Variants in STIM2 observed in about 807,000 individuals in gnomAD.
STIM2 encodes stromal interaction molecule 2.
STIM2 carries 31 observed loss-of-function variants against 85.8 expected under a neutral mutation model. The observed-to-expected ratio is 0.36, with a 90% CI of 0.27 to 0.49. The LOEUF (loss-of-function observed/expected upper bound fraction) is 0.49, where lower values mean the gene tolerates loss of function less well. STIM2 is among the 20% of genes least tolerant of loss of function. The probability of loss-of-function intolerance (pLI) is 0.98; values close to 1 mark genes in which losing one functional copy is unlikely to be tolerated. For missense variants in STIM2, 841 were observed against 927.6 expected, an observed-to-expected ratio of 0.91 and a Z score of 1.21; for synonymous variants, 356 against 331.1, an observed-to-expected ratio of 1.08 and a Z score of -0.82.
chr4:26,960,165 T>G (rs956560853), intron 3 of STIM2, among the ~76,000 whole-genome samples: 1 of 152,198 alleles, frequency 6.6e-6, no homozygotes. Context: ...TCTGCTTTTA[T>G]CTGTTATATT....
chr4:27,011,935 G>T (rs1039645836), intron 10 of STIM2, among the ~76,000 whole-genome samples: 1 of 152,064 alleles, frequency 6.6e-6, no homozygotes. Context: ...ATAGGTTGTT[G>T]TTTGCTCTCC....
Position 26,976,333 on chromosome 4 carries a change from C to T in STIM2, c.397+18607C>T, listed in dbSNP as rs558086053. 1.1e-3 allele frequency among the ~76,000 whole-genome samples: 162 copies of T among 150,988 alleles called. 1 individual carries two copies. The highest frequency in any genetic ancestry group is 2.2e-3 in the Admixed American group (34 of 15,178). On this transcript the variant is annotated intron_variant, in intron 3 of 11. Coordinates refer to ENST00000467087, the MANE Select transcript of STIM2 (RefSeq NM_020860.4). ...AATCACCTGTCTTCTGCATGGATCACGCTGGGAGCTGCAGATCGGAGCTGT... is the reference window on the plus strand; with the variant it reads ...AATCACCTGTCTTCTGCATGGATCATGCTGGGAGCTGCAGATCGGAGCTGT...
chr4:27,012,446 T>TA (rs1728591643), intron 10 of STIM2, among the ~76,000 whole-genome samples: 1 of 33,544 alleles, frequency 3.0e-5, no homozygotes. Flanking sequence ...TTGCTTTTTT[T>TA]AAAAAAAGAT....
In STIM2 at chr4:26,887,183, C is replaced by CTTT. The variant is rs34736602; in HGVS notation, c.151+25836_151+25838dup. On this transcript the variant is annotated intron_variant, in intron 1 of 11. Transcript: ENST00000467087. ...ATAAGCACCAAACCAAATAATTAAA[C>CTTT]TTTTTTTTTTTTTTTTTTTTTTTTG... is the stretch of plus-strand genomic sequence containing the variant. Among the ~76,000 whole-genome samples the CTTT allele has an allele frequency of 1.2e-3, 85 of 70,956 alleles. 3 individuals are homozygous for CTTT. The highest frequency in any genetic ancestry group is 1.5e-3 in the Non-Finnish European group (58 of 38,924). The allele number at this position is 70,956 out of a possible 152,430, so 46.5% of individuals were successfully genotyped here. A position where few individuals can be genotyped will look rare whatever the true frequency, so the allele number is the denominator to read the frequency against.
chr4:27,008,946 C>G lies in STIM2; in HGVS notation c.1433C>G (p.Ala478Gly). The stretch of plus-strand genomic sequence containing the variant: ...GTCTCCATTCCACCCTATCCAATTG[C>G]TGGAGGAGTTGATGACTTAGATGAA... The change falls in exon 10 of 12, where the codon GCT (alanine) becomes GGT (glycine). Residue 478 changes from alanine to glycine, a missense_variant. Physicochemically the swap from Ala to Gly is moderately conservative, Grantham distance 60 (BLOSUM62 0). Around this residue, in one of 3 missense-constraint regions of STIM2, gnomAD observed 408 missense variants for 525.4 expected, o/e 0.78. Transcript: ENST00000467087. 1 of 1,614,082 alleles carries G rather than the reference C, an allele frequency of 6.2e-7. No individual in the cohort carries two copies. Among genetic ancestry groups the G allele is most frequent in the African/African-American group, 1.3e-5 (1 of 75,008 alleles).
At chr4:26,963,010 A>G (rs73116687) in intron 3 of STIM2, among the ~76,000 whole-genome samples, 45 of 152,286 alleles carry the variant, frequency 3.0e-4, no homozygotes, top group African/African-American at 7.9e-4. Flanking sequence ...GAAATTTAAG[A>G]TAATGTTTAT....
intron 1 of STIM2, among the ~76,000 whole-genome samples, chr4:26,885,357 A>G (rs901607257): frequency 2.0e-5 from 3 of 152,190 alleles, no homozygotes; most frequent in Middle Eastern, 6.3e-3. Flanking sequence ...GAAGTCCTTC[A>G]TGTCCTCTTG....
intron 1 of STIM2, among the ~76,000 whole-genome samples, chr4:26,884,879 G>A (rs528948566): frequency 3.3e-5 from 5 of 152,316 alleles, no homozygotes; most frequent in Admixed American, 2.6e-4. Context: ...CACAGAACTG[G>A]CAAGTGGGTG....
chr4:26,910,501 G>A (rs2109059079), intron 1 of STIM2, among the ~76,000 whole-genome samples: 1 of 152,080 alleles, frequency 6.6e-6, no homozygotes, highest in African/African-American at 2.4e-5. Context: ...TCCAGCCTGG[G>A]TGATGGAGTG....
intron 1 of STIM2, among the ~76,000 whole-genome samples, chr4:26,875,741 T>C (rs1722793653): frequency 6.6e-6 from 1 of 152,206 alleles, no homozygotes; most frequent in Admixed American, 6.5e-5. Flanking sequence ...GGGGATGTTC[T>C]TGAAAAATCT....
intron 1 of STIM2, among the ~76,000 whole-genome samples, chr4:26,881,309 T>C (rs1219648490): frequency 6.6e-6 from 1 of 151,966 alleles, no homozygotes; most frequent in Non-Finnish European, 1.5e-5. Context: ...TTACTAAAAA[T>C]ACAAAAATTA....
At chr4:26,981,306 C>G (rs1375667833) in intron 3 of STIM2, among the ~76,000 whole-genome samples, 2 of 152,130 alleles carry the variant, frequency 1.3e-5, no homozygotes, top group African/African-American at 2.4e-5. Flanking sequence ...TATTTGATAG[C>G]TAATAAAGCC....
chr4:27,018,866 T>C (rs1419836680), intron 11 of STIM2, among the ~76,000 whole-genome samples: 1 of 152,272 alleles, frequency 6.6e-6, no homozygotes, highest in Admixed American at 6.5e-5. Context: ...TGTCACTTAA[T>C]GATTTATTCT....
intron 10 of STIM2, among the ~76,000 whole-genome samples, chr4:27,016,023 C>T (rs1343533151): frequency 1.3e-5 from 2 of 151,990 alleles, no homozygotes; most frequent in African/African-American, 4.8e-5. Flanking sequence ...TTTGATCTAT[C>T]TATGCTGCAT....
intron 2 of STIM2, among the ~76,000 whole-genome samples, chr4:26,949,955 A>G (rs1345160833): frequency 6.6e-6 from 1 of 152,212 alleles, no homozygotes; most frequent in South Asian, 2.1e-4. Context: ...TTAATGAAGA[A>G]TATTTCTAAA....
At chr4:26,933,032 T>G (rs1457125834) in intron 2 of STIM2, among the ~76,000 whole-genome samples, 1 of 152,108 alleles carries the variant, frequency 6.6e-6, no homozygotes, top group African/African-American at 2.4e-5. Context: ...TCTGTGGATA[T>G]CAAGAAAGTA....
At chr4:26,990,385 G>T (rs917976664) in intron 3 of STIM2, among the ~76,000 whole-genome samples, 1 of 152,124 alleles carries the variant, frequency 6.6e-6, no homozygotes, top group African/African-American at 2.4e-5. Context: ...AATGGTGCTA[G>T]GAAAACTGGA....
At chr4:26,934,086 T>G (rs1577447299) in intron 2 of STIM2, among the ~76,000 whole-genome samples, 1 of 151,816 alleles carries the variant, frequency 6.6e-6, no homozygotes, top group African/African-American at 2.4e-5. Flanking sequence ...CCCAGCTACT[T>G]GGGAGGCTGA....
Position 26,885,859 on chromosome 4 carries a change from A to ATATATATATATATATG in STIM2, c.151+24496_151+24511dup, listed in dbSNP as rs1184308090. Among the ~76,000 whole-genome samples, 390 of 89,278 alleles carry ATATATATATATATATG rather than the reference A, an allele frequency of 4.4e-3. 13 individuals are homozygous for ATATATATATATATATG. Among genetic ancestry groups the ATATATATATATATATG allele is most frequent in the Non-Finnish European group, 7.6e-3 (332 of 43,924 alleles). The allele number at this position is 89,278 out of a possible 152,430, so 58.6% of individuals were successfully genotyped here. A position where few individuals can be genotyped will look rare whatever the true frequency, so the allele number is the denominator to read the frequency against. ...TATATATATATATATATATATATAT[A>ATATATATATATATATG]TATATATATATATATGTATATGTCT... is the stretch of plus-strand genomic sequence containing the variant. On this transcript the variant is annotated intron_variant, in intron 1 of 11. Transcript: ENST00000467087.
Sources: gnomAD v4.1 joint callset for allele counts (sites outside exome capture counted in the v4.1 genomes callset) on GRCh38, gnomAD v4.1.1 for gene constraint, gnomAD v4.1.1 regional missense constraint, MANE v1.5 for transcripts, NCBI Gene and HGNC (gene_info 2026-07-23, HGNC 2026-07-21) for gene names.